The following HCN1 variants were observed in gnomAD, a reference collection of about 807,000 sequenced individuals.
HCN1 encodes hyperpolarization activated cyclic nucleotide gated potassium channel 1.
In HCN1, 13 loss-of-function variants were observed where a neutral mutation model predicts 78.9. The ratio of observed to expected loss-of-function variants is 0.16; its 90% CI spans 0.11 to 0.26. The LOEUF (loss-of-function observed/expected upper bound fraction) is 0.26, where lower values mean the gene tolerates loss of function less well. HCN1 is among the 10% of genes least tolerant of loss of function. The pLI, the probability that HCN1 is intolerant of heterozygous loss-of-function variation, is 1.00. For missense variants in HCN1, 810 were observed against 1,154.3 expected (o/e 0.70, Z 4.32); for synonymous variants, 552 against 455.5 (o/e 1.21, Z -2.70).
chr5:45,489,127 T>C (rs1307693574), intron 2 of HCN1, among the ~76,000 whole-genome samples: 3 of 152,168 alleles, frequency 2.0e-5, no homozygotes, highest in Non-Finnish European at 4.4e-5. Flanking sequence ...GGACACAGGC[T>C]TCAGAGAAGG....
At chr5:45,344,699 T>A (rs1274646916) in intron 5 of HCN1, among the ~76,000 whole-genome samples, 1 of 152,210 alleles carries the variant, frequency 6.6e-6, no homozygotes, top group African/African-American at 2.4e-5. Flanking sequence ...ATCCAGGGCA[T>A]GCTGATGCAA....
rs112886466 is a variant in HCN1 at position 45,267,001 on chromosome 5, T to G, written c.1783+88A>C. ...TGGGATTACAGGCATGAGTCACCAC[T>G]CCCCACTGCATTTGGGACTTATAAT... On this transcript the variant is annotated intron_variant, in intron 7 of 7. Coordinates refer to ENST00000303230, the MANE Select transcript of HCN1 (RefSeq NM_021072.4). 3,325 of 1,118,204 alleles carry G rather than the reference T, an allele frequency of 3.0e-3. 57 individuals are homozygous for G. In the African/African-American group the frequency reaches 0.035, roughly 12 times the overall value. The allele number at this position is 1,118,204 out of a possible 1,614,324, so 69.3% of individuals were successfully genotyped here. A position where few individuals can be genotyped will look rare whatever the true frequency, so the allele number is the denominator to read the frequency against.
intron 2 of HCN1, among the ~76,000 whole-genome samples, chr5:45,516,822 C>G (rs182288945): frequency 2.0e-5 from 3 of 152,030 alleles, no homozygotes; most frequent in Non-Finnish European, 4.4e-5. Flanking sequence ...TTCATACTGT[C>G]TTATTACAGC....
At chr5:45,265,218 G>T (rs936239291) in intron 7 of HCN1, among the ~76,000 whole-genome samples, 19 of 151,788 alleles carry the variant, frequency 1.3e-4, no homozygotes, top group African/African-American at 4.4e-4. Context: ...ACTGCAATAA[G>T]TTAGATGAAA....
At chr5:45,368,890 T>C (rs1208658232) in intron 4 of HCN1, among the ~76,000 whole-genome samples, 1 of 152,058 alleles carries the variant, frequency 6.6e-6, no homozygotes, top group Non-Finnish European at 1.5e-5. Context: ...CATCCATAAA[T>C]TAAGTGAACA....
chr5:45,505,666 A>G (rs558504413), intron 2 of HCN1, among the ~76,000 whole-genome samples: 2 of 151,450 alleles, frequency 1.3e-5, no homozygotes, highest in Admixed American at 6.5e-5. Context: ...TAAAATCTGG[A>G]TGCATATATA....
intron 2 of HCN1, among the ~76,000 whole-genome samples, chr5:45,542,601 AG>A (rs1743127698): frequency 6.6e-6 from 1 of 152,154 alleles, no homozygotes; most frequent in African/African-American, 2.4e-5. Flanking sequence ...GACCAGCAAA[AG>A]TGTTGCTGAA....
At chr5:45,637,436 G>A (rs1453846182) in intron 2 of HCN1, among the ~76,000 whole-genome samples, 4 of 151,630 alleles carry the variant, frequency 2.6e-5, no homozygotes, top group Admixed American at 6.6e-5. Flanking sequence ...TTATTTCCCC[G>A]ACACTATGCT....
At chr5:45,553,816 T>C (rs79008548) in intron 2 of HCN1, among the ~76,000 whole-genome samples, 1 of 151,964 alleles carries the variant, frequency 6.6e-6, no homozygotes, top group South Asian at 2.1e-4. Context: ...CTGTTTTTTA[T>C]TGATTTTTTC....
chr5:45,419,688 G>T (rs993950766), intron 3 of HCN1, among the ~76,000 whole-genome samples: 1 of 152,164 alleles, frequency 6.6e-6, no homozygotes, highest in Non-Finnish European at 1.5e-5. Context: ...GAAGGAAAAT[G>T]TGACCAGTAC....
At chr5:45,311,063 T>A (rs572809528) in intron 5 of HCN1, among the ~76,000 whole-genome samples, 2 of 152,090 alleles carry the variant, frequency 1.3e-5, no homozygotes, top group African/African-American at 4.8e-5. Context: ...GGATACTAGG[T>A]TTAATGCCTG....
intron 5 of HCN1, among the ~76,000 whole-genome samples, chr5:45,335,236 G>A (rs1356795298): frequency 6.6e-6 from 1 of 152,016 alleles, no homozygotes; most frequent in East Asian, 1.9e-4. Flanking sequence ...AATCAAATCA[G>A]TATAAGTCTG....
chr5:45,635,119 C>T (rs567045683), intron 2 of HCN1, among the ~76,000 whole-genome samples: 1 of 152,140 alleles, frequency 6.6e-6, no homozygotes, highest in South Asian at 2.1e-4. Flanking sequence ...TTCATAGATT[C>T]TGTGAAAGAA....
intron 5 of HCN1, among the ~76,000 whole-genome samples, chr5:45,346,758 A>T (rs1290668718): frequency 6.6e-6 from 1 of 152,168 alleles, no homozygotes; most frequent in Non-Finnish European, 1.5e-5. Flanking sequence ...AGTCTCACTG[A>T]TTGCTAGCAC....
rs186257022 is a variant in HCN1, at chr5:45,579,224, C to T, written c.849+65961G>A. On this transcript the variant is annotated intron_variant, in intron 2 of 7. Coordinates refer to ENST00000303230, the MANE Select transcript of HCN1 (RefSeq NM_021072.4). ...ATTCTCAAAGTTTACAAATGACAAACGGAAAGGTAATCTTATTGGTAGTCA... is the reference window on the plus strand; with the variant it reads ...ATTCTCAAAGTTTACAAATGACAAATGGAAAGGTAATCTTATTGGTAGTCA... Among the ~76,000 whole-genome samples the T allele has an allele frequency of 7.6e-3, 1,152 of 152,118 alleles. 7 individuals are homozygous for T. The highest frequency in any genetic ancestry group is 0.012 in the South Asian group (56 of 4,824).
intron 2 of HCN1, among the ~76,000 whole-genome samples, chr5:45,588,584 A>G (rs955353895): frequency 1.3e-5 from 2 of 152,112 alleles, no homozygotes; most frequent in Non-Finnish European, 2.9e-5. Flanking sequence ...CTGCCCCACC[A>G]GGCATTATGA....
chr5:45,275,647 T>C (rs1237590894), intron 6 of HCN1, among the ~76,000 whole-genome samples: 1 of 152,162 alleles, frequency 6.6e-6, no homozygotes, highest in Non-Finnish European at 1.5e-5. Flanking sequence ...TTGTACTACT[T>C]GTCTTTGGCA....
At chr5:45,371,461 T>A (rs931025911) in intron 4 of HCN1, among the ~76,000 whole-genome samples, 2 of 151,590 alleles carry the variant, frequency 1.3e-5, no homozygotes, top group Non-Finnish European at 2.9e-5. Flanking sequence ...CTGAACCCAC[T>A]GAAATACAAA....
chr5:45,347,817 A>C (rs569234061), intron 5 of HCN1, among the ~76,000 whole-genome samples: 6 of 152,326 alleles, frequency 3.9e-5, no homozygotes, highest in Non-Finnish European at 5.9e-5. Flanking sequence ...TTTAGAGAAA[A>C]AAGAAGAAAA....
Sources: allele counts gnomAD v4.1 joint callset (sites outside exome capture counted in the v4.1 genomes callset), GRCh38; gene constraint gnomAD v4.1.1; transcripts MANE v1.5; gene names NCBI Gene and HGNC (gene_info 2026-07-23, HGNC 2026-07-21).